RBFOX1: variants seen among roughly 807,000 people sequenced by gnomAD.
The protein encoded by RBFOX1 is RNA binding protein fox-1 homolog 1.
In RBFOX1, 8 loss-of-function variants were observed where a neutral mutation model predicts 57.7. The ratio of observed to expected loss-of-function variants is 0.14; its 90% CI spans 0.08 to 0.25. The LOEUF is 0.25. Among genes scored for constraint, RBFOX1 ranks in the 10% least tolerant of loss-of-function variants. The pLI is 1.00. For missense variants in RBFOX1, 611 were observed against 548.5 expected (o/e 1.11, Z -1.14); for synonymous variants, 326 against 222.4 (o/e 1.47, Z -4.15).
chr16:7,100,130 C>CAA (rs557002159), intron 4 of RBFOX1, among the ~76,000 whole-genome samples: 3 of 131,734 alleles, frequency 2.3e-5, no homozygotes, highest in African/African-American at 8.4e-5. Flanking sequence ...GTGAAGGGAA[C>CAA]AAAAAAAAAA....
intron 2 of RBFOX1, among the ~76,000 whole-genome samples, chr16:6,493,909 G>C (rs1053801843): frequency 3.3e-5 from 5 of 152,120 alleles, no homozygotes; most frequent in Non-Finnish European, 7.4e-5. Context: ...TTATTAAATA[G>C]TTTCTTAATA....
chr16:7,636,212 A>G (rs924411435), intron 11 of RBFOX1, among the ~76,000 whole-genome samples: 3 of 152,242 alleles, frequency 2.0e-5, no homozygotes, highest in Admixed American at 6.5e-5. Context: ...ATTGCCAAAC[A>G]TGGAACTGTT....
intron 15 of RBFOX1, chr16:7,709,919 G>A (rs919179374): frequency 1.9e-6 from 2 of 1,054,544 alleles, no homozygotes; most frequent in African/African-American, 1.7e-5. Context: ...CTTGGATCAA[G>A]AATATCAGTC....
intron 3 of RBFOX1, among the ~76,000 whole-genome samples, chr16:6,789,915 A>C (rs1249650629): frequency 6.6e-6 from 1 of 151,720 alleles, no homozygotes; most frequent in Non-Finnish European, 1.5e-5. Context: ...TTGGTTTATT[A>C]ATTAGATCTA....
intron 3 of RBFOX1, among the ~76,000 whole-genome samples, chr16:6,738,380 C>T (rs2071046978): frequency 1.3e-5 from 2 of 152,066 alleles, no homozygotes; most frequent in Non-Finnish European, 2.9e-5. Flanking sequence ...AGCAAGGCAC[C>T]TGTCATTCTG....
intron 1 of RBFOX1, among the ~76,000 whole-genome samples, chr16:5,431,441 C>A (rs1026026890): frequency 6.6e-6 from 1 of 152,080 alleles, no homozygotes; most frequent in Non-Finnish European, 1.5e-5. Context: ...GTGGCATGAT[C>A]TCGGCTCACT....
intron 1 of RBFOX1, among the ~76,000 whole-genome samples, chr16:5,420,230 A>G (rs1329616376): frequency 2.0e-5 from 3 of 152,198 alleles, no homozygotes; most frequent in Non-Finnish European, 4.4e-5. Flanking sequence ...AACAAGGTGG[A>G]TTTATGTTCT....
intron 4 of RBFOX1, among the ~76,000 whole-genome samples, chr16:7,410,193 GC>G (rs58383302): frequency 0.47 from 70,932 of 151,892 alleles, 16,827 homozygotes; most frequent in East Asian, 0.61. Context: ...TAGCTCATCT[GC>G]GCTGGGTGAC....
chr16:5,693,226 T>G (rs980861574), intron 3 of RBFOX1, among the ~76,000 whole-genome samples: 9 of 152,112 alleles, frequency 5.9e-5, no homozygotes, highest in Non-Finnish European at 1.0e-4. Flanking sequence ...AACCCTCTCC[T>G]GACCTAACTT....
At chr16:5,459,665 C>T (rs561123749) in intron 1 of RBFOX1, among the ~76,000 whole-genome samples, 14 of 152,142 alleles carry the variant, frequency 9.2e-5, no homozygotes, top group East Asian at 1.9e-4. Context: ...AAAAGCAAGT[C>T]GGGAAATGAG....
intron 14 of RBFOX1, among the ~76,000 whole-genome samples, chr16:7,689,596 C>CA (rs1240549606): frequency 6.6e-6 from 1 of 152,032 alleles, no homozygotes; most frequent in Non-Finnish European, 1.5e-5. Flanking sequence ...CTTGAATGAG[C>CA]ACTCTAGGCA....
intron 4 of RBFOX1, among the ~76,000 whole-genome samples, chr16:7,292,976 C>G (rs1271226868): frequency 2.0e-5 from 3 of 151,970 alleles, no homozygotes; most frequent in African/African-American, 7.3e-5. Context: ...TGTTCTCTGG[C>G]TCTCAAAAAG....
At chr16:7,078,863 C>CTT (rs57410575) in intron 4 of RBFOX1, among the ~76,000 whole-genome samples, 1,219 of 52,730 alleles carry the variant, frequency 0.023, 301 homozygotes, top group Non-Finnish European at 0.023. Context: ...ATATATATAC[C>CTT]TTTTTTTTTT....
chr16:5,281,176 T>C (rs1456835875), intron 1 of RBFOX1, among the ~76,000 whole-genome samples: 1 of 152,228 alleles, frequency 6.6e-6, no homozygotes, highest in East Asian at 1.9e-4. Context: ...CATCTTAATT[T>C]CTTCATTGAT....
At chr16:6,767,947 T>TAAG (rs71145291) in intron 3 of RBFOX1, among the ~76,000 whole-genome samples, 2,267 of 100,926 alleles carry the variant, frequency 0.022, 49 homozygotes, top group Non-Finnish European at 0.03. Context: ...ATAATAATAA[T>TAAG]AAGAAGAAGA....
At chr16:7,140,176 C>CTCCA (rs1468843437) in intron 4 of RBFOX1, among the ~76,000 whole-genome samples, 6 of 147,532 alleles carry the variant, frequency 4.1e-5, no homozygotes, top group Admixed American at 1.4e-4. Flanking sequence ...CTCTCTCTCT[C>CTCCA]TCTCTCTCTC....
chr16:5,289,299 C>G, intron 1 of RBFOX1: 1 of 425,364 alleles, frequency 2.4e-6, no homozygotes, highest in South Asian at 2.8e-5. Context: ...TGTGGCCTCC[C>G]ATGGTCAGCC....
chr16:7,360,244 C>T (rs2097295996), intron 4 of RBFOX1, among the ~76,000 whole-genome samples: 1 of 151,982 alleles, frequency 6.6e-6, no homozygotes, highest in South Asian at 2.1e-4. Flanking sequence ...CTAGAAATGC[C>T]CCATTTTTTC....
intron 4 of RBFOX1, among the ~76,000 whole-genome samples, chr16:7,438,995 G>A (rs776374408): frequency 6.6e-6 from 1 of 152,182 alleles, no homozygotes; most frequent in Non-Finnish European, 1.5e-5. Flanking sequence ...TCTTTAATGA[G>A]GGCAGGTCGC....
Sources: gnomAD v4.1 joint callset for allele counts (sites outside exome capture counted in the v4.1 genomes callset) on GRCh38, gnomAD v4.1.1 for gene constraint, MANE v1.5 for transcripts, NCBI Gene and HGNC (gene_info 2026-07-23, HGNC 2026-07-21) for gene names.